PCM1: variants seen among roughly 807,000 people sequenced by gnomAD.
PCM1 encodes pericentriolar material 1 protein.
Under a neutral mutation model 241.9 loss-of-function variants are expected in PCM1, and 157 were observed. That is an observed-to-expected ratio of 0.65 (90% CI 0.57 to 0.74). The LOEUF is 0.74. Among genes scored for constraint, PCM1 ranks in the 30% least tolerant of loss-of-function variants. The pLI, the probability that PCM1 is intolerant of heterozygous loss-of-function variation, is 0.00. For missense variants in PCM1, 3,478 were observed against 2,360.1 expected, an observed-to-expected ratio of 1.47 and a Z score of -9.81; for synonymous variants, 1,085 against 784.9, an observed-to-expected ratio of 1.38 and a Z score of -6.39.
chr8:17,972,144 A>G (rs1021127205), intron 22 of PCM1, among the ~76,000 whole-genome samples, 185 bp from the exon 23 acceptor site: 1 of 152,166 alleles, frequency 6.6e-6, no homozygotes, highest in Non-Finnish European at 1.5e-5. Flanking sequence ...CAGAATTAAA[A>G]CTAATTTACT....
rs556926187 is a variant in PCM1, at chr8:18,010,521, C to A, written c.5161-88C>A. On this transcript the variant is annotated intron_variant, in intron 31 of 38. Coordinates refer to ENST00000325083, the MANE Select transcript of PCM1 (RefSeq NM_006197.4). ...CAGGCCAGGCTTAGGTCTATAATCC[C>A]AGTACTTTGGGAGGCTGAGACATGA... 1.8e-5 allele frequency: 17 copies of A among 919,402 alleles called. No individual in the cohort carries two copies. The East Asian group carries it at 3.9e-4, about 21-fold the overall frequency. The allele number at this position is 919,402 out of a possible 1,614,324, so 57.0% of individuals were successfully genotyped here. A position where few individuals can be genotyped will look rare whatever the true frequency, so the allele number is the denominator to read the frequency against.
chr8:18,023,763 C>G (rs887688269), intron 36 of PCM1, among the ~76,000 whole-genome samples: 3 of 152,220 alleles, frequency 2.0e-5, no homozygotes, highest in Non-Finnish European at 4.4e-5. Context: ...TATATCCCCA[C>G]AAGGGGTTCA....
At position 17,964,777 on chromosome 8, in the gene PCM1, C is replaced by T; in HGVS notation, c.2855+9C>T. 6.2e-7 allele frequency: 1 copy of T among 1,602,566 alleles called. No homozygotes were observed. Among genetic ancestry groups the T allele is most frequent in the South Asian group, 1.1e-5 (1 of 90,690 alleles). ...AAGGAAACTAAAAATAGGTTAGTTT[C>T]AGTATTTTAATTTTGTGCTTAATTT... On this transcript the variant is annotated intron_variant, in intron 18 of 38. Coordinates refer to ENST00000325083, the MANE Select transcript of PCM1 (RefSeq NM_006197.4).
intron 6 of PCM1, among the ~76,000 whole-genome samples, chr8:17,942,183 TATTA>T (rs769658152): frequency 7.9e-5 from 12 of 152,208 alleles, no homozygotes; most frequent in Non-Finnish European, 1.3e-4. Context: ...TATTTGTGTT[TATTA>T]ATTTAGATGG....
chr8:17,935,085 C>A (rs1409674807), intron 2 of PCM1, among the ~76,000 whole-genome samples: 1 of 152,192 alleles, frequency 6.6e-6, no homozygotes, highest in African/African-American at 2.4e-5. Flanking sequence ...TATCATCTTG[C>A]TATTGTACCT....
intron 31 of PCM1, among the ~76,000 whole-genome samples, 177 bp downstream of exon 31, chr8:18,009,921 A>G (rs1008973634): frequency 7.2e-5 from 11 of 152,238 alleles, no homozygotes; most frequent in African/African-American, 2.7e-4. Context: ...GAGGACTAAC[A>G]GCAGTTGCTA....
intron 29 of PCM1, among the ~76,000 whole-genome samples, chr8:17,995,180 A>G (rs541138712): frequency 5.3e-5 from 8 of 151,492 alleles, no homozygotes; most frequent in African/African-American, 2.0e-4. Context: ...TATGTCTTTA[A>G]TCCATTTTGA....
At chr8:17,952,657 G>C (rs1288012279) in intron 8 of PCM1, among the ~76,000 whole-genome samples, 1 of 152,154 alleles carries the variant, frequency 6.6e-6, no homozygotes, top group East Asian at 1.9e-4. Flanking sequence ...AAGTATATAG[G>C]AGGATGTGTG....
At chr8:17,958,093 A>G (rs947287900) in intron 13 of PCM1, among the ~76,000 whole-genome samples, 3 of 152,194 alleles carry the variant, frequency 2.0e-5, no homozygotes, top group African/African-American at 4.8e-5. Flanking sequence ...TATAAACAAT[A>G]TAGCTGTTTT....
At chr8:17,965,073 C>A (rs73571763) in intron 18 of PCM1, among the ~76,000 whole-genome samples, 1 of 151,872 alleles carries the variant, frequency 6.6e-6, no homozygotes. Context: ...GAACAACTCA[C>A]GAAATACAGG....
At chr8:17,964,494 C>A (rs2129469161) in intron 17 of PCM1, 74 bp from the exon 18 acceptor site, 1 of 1,097,868 alleles carries the variant, frequency 9.1e-7, no homozygotes, top group Non-Finnish European at 1.3e-6. Context: ...GAAACAATGT[C>A]TGGCACATAG....
chr8:17,944,527 T>A (rs1254606409), intron 6 of PCM1, among the ~76,000 whole-genome samples: 1 of 152,176 alleles, frequency 6.6e-6, no homozygotes, highest in African/African-American at 2.4e-5. Flanking sequence ...CAGGGTTTGA[T>A]GCCTAAGTTA....
intron 36 of PCM1, among the ~76,000 whole-genome samples, chr8:18,019,698 CAGGTGAGAATGTG>C (rs561145002): frequency 7.1e-4 from 108 of 152,262 alleles, no homozygotes; most frequent in African/African-American, 2.5e-3. Flanking sequence ...AGGCAGAGCT[CAGGTGAGAATGTG>C]AGTGATGGGA....
At chr8:17,967,723 G>C (rs925093562) in intron 21 of PCM1, among the ~76,000 whole-genome samples, 3 of 152,220 alleles carry the variant, frequency 2.0e-5, no homozygotes, top group Non-Finnish European at 4.4e-5. Flanking sequence ...CTGTTCAATG[G>C]CTGCTGTATA....
At chr8:18,018,876 A>G (rs1228813995) in intron 36 of PCM1, among the ~76,000 whole-genome samples, 8 of 31,670 alleles carry the variant, frequency 2.5e-4, no homozygotes, top group Non-Finnish European at 4.9e-4. Flanking sequence ...ATATATATAT[A>G]TATACACACA....
intron 24 of PCM1, chr8:17,983,208 T>A: frequency 4.7e-6 from 6 of 1,281,612 alleles, no homozygotes; most frequent in Non-Finnish European, 6.2e-6. Context: ...TTTATGTTCA[T>A]CCTTATGTCT....
At chr8:18,017,335 GTC>G (rs1307009219) in intron 36 of PCM1, among the ~76,000 whole-genome samples, 4 of 152,262 alleles carry the variant, frequency 2.6e-5, no homozygotes, top group African/African-American at 9.6e-5. Context: ...TTCATTAATA[GTC>G]TCTGACTAGA....
At position 17,980,770 on chromosome 8, in the gene PCM1, G is replaced by C. The variant is rs1288881953; in HGVS notation, c.4108+15G>C. On this transcript the variant is annotated intron_variant, in intron 24 of 38. Coordinates refer to ENST00000325083, the MANE Select transcript of PCM1 (RefSeq NM_006197.4). ...AATATCTTCAGGTATGTTCTTTTTT[G>C]GTTTGCATTAATATAAGGAGGTTTT... The C allele has an allele frequency of 2.5e-6, 4 of 1,581,840 alleles. No homozygotes were observed. The highest frequency in any genetic ancestry group is 2.6e-6 in the Non-Finnish European group (3 of 1,164,224).
At position 17,950,767 on chromosome 8, in the gene PCM1, T is replaced by G. The variant is rs764164336; in HGVS notation, c.1071+43T>G. 10 of 1,056,526 alleles carry G rather than the reference T, an allele frequency of 9.5e-6. 1 individual carries two copies. Among genetic ancestry groups the G allele is most frequent in the Non-Finnish European group, 1.4e-5 (10 of 696,682 alleles). The allele number at this position is 1,056,526 out of a possible 1,614,324, so 65.4% of individuals were successfully genotyped here. A position where few individuals can be genotyped will look rare whatever the true frequency, so the allele number is the denominator to read the frequency against. On this transcript the variant is annotated intron_variant, in intron 8 of 38. Transcript: ENST00000325083. Reference sequence around the variant, plus strand: ...GTATAGTTGAGTTTAAAAAATCACATTAATTAGAACAGTGATTCAGAAACT... The same window carrying G: ...GTATAGTTGAGTTTAAAAAATCACAGTAATTAGAACAGTGATTCAGAAACT...
Sources: allele counts gnomAD v4.1 joint callset (sites outside exome capture counted in the v4.1 genomes callset), GRCh38; gene constraint gnomAD v4.1.1; transcripts MANE v1.5; gene names NCBI Gene and HGNC (gene_info 2026-07-23, HGNC 2026-07-21).